Variants in AP3B1 observed in about 807,000 individuals in gnomAD.
AP3B1 encodes adaptor related protein complex 3 subunit beta 1.
AP3B1 carries 61 observed loss-of-function variants against 132.5 expected under a neutral mutation model. That is an observed-to-expected ratio of 0.46 (90% CI 0.37 to 0.57). The LOEUF (loss-of-function observed/expected upper bound fraction) is 0.57. AP3B1 is among the 20% of genes least tolerant of loss of function. The probability of loss-of-function intolerance (pLI) is 0.00; values close to 1 mark genes in which losing one functional copy is unlikely to be tolerated. For synonymous variants in AP3B1, 388 were observed against 438.3 expected (o/e 0.89, Z 1.43); for missense variants, 1,120 against 1,289.4 (o/e 0.87, Z 2.01).
At chr5:78,195,799 G>A (rs903750558) in intron 7 of AP3B1, among the ~76,000 whole-genome samples, 7 of 151,926 alleles carry the variant, frequency 4.6e-5, no homozygotes, top group African/African-American at 4.8e-5. Context: ...CAGCCTGGGC[G>A]ACAAAGCAAG....
chr5:78,086,195 T>A (rs547658029), intron 22 of AP3B1, among the ~76,000 whole-genome samples: 1 of 152,294 alleles, frequency 6.6e-6, no homozygotes, highest in East Asian at 1.9e-4. Flanking sequence ...TAAAGTAGAA[T>A]CCATAGTAAT....
At chr5:78,244,655 T>C (rs1210990125) in intron 2 of AP3B1, among the ~76,000 whole-genome samples, 1 of 152,072 alleles carries the variant, frequency 6.6e-6, no homozygotes, top group Non-Finnish European at 1.5e-5. Flanking sequence ...CAGGAGGGCA[T>C]ACAGACAGAG....
At chr5:78,093,143 G>C (rs1750603372) in intron 21 of AP3B1, among the ~76,000 whole-genome samples, 2 of 152,302 alleles carry the variant, frequency 1.3e-5, no homozygotes, top group South Asian at 4.1e-4. Context: ...CTGTTAAACA[G>C]AATTTGTTCT....
chr5:78,215,967 T>C, intron 7 of AP3B1, 88 bp downstream of exon 7: 1 of 1,272,912 alleles, frequency 7.9e-7, no homozygotes, highest in African/African-American at 1.5e-5. Flanking sequence ...ATTTCTCTAG[T>C]TTACTACTCC....
intron 11 of AP3B1, among the ~76,000 whole-genome samples, chr5:78,166,069 G>A (rs148548635): frequency 2.0e-3 from 303 of 151,126 alleles, no homozygotes; most frequent in African/African-American, 5.5e-3. Context: ...GCAGTGAGCC[G>A]AGATCGCGCC....
chr5:78,007,435 CTT>C (rs34485900), intron 26 of AP3B1, among the ~76,000 whole-genome samples: 5 of 147,020 alleles, frequency 3.4e-5, no homozygotes, highest in East Asian at 3.9e-4. Context: ...CAGGCTAAAA[CTT>C]TTTTTTTTTT....
intron 26 of AP3B1, among the ~76,000 whole-genome samples, chr5:78,011,143 A>T (rs576845307): frequency 6.6e-6 from 1 of 151,320 alleles, no homozygotes; most frequent in African/African-American, 2.4e-5. Flanking sequence ...CCTGGGTTCA[A>T]GCAATTCTCC....
chr5:78,092,272 G>T (rs1231909526), intron 21 of AP3B1, among the ~76,000 whole-genome samples: 1 of 152,194 alleles, frequency 6.6e-6, no homozygotes, highest in African/African-American at 2.4e-5. Context: ...CACACCACAA[G>T]CAAGTTCTGC....
At chr5:78,277,799 C>A (rs984672168) in intron 1 of AP3B1, among the ~76,000 whole-genome samples, 1 of 152,178 alleles carries the variant, frequency 6.6e-6, no homozygotes, top group African/African-American at 2.4e-5. Context: ...AGAACCCTTT[C>A]ACTGTAAAGT....
At chr5:78,171,236 T>C (rs1743901869) in intron 11 of AP3B1, among the ~76,000 whole-genome samples, 3 of 152,192 alleles carry the variant, frequency 2.0e-5, no homozygotes, top group Admixed American at 6.5e-5. Flanking sequence ...TGGTTCCATA[T>C]GAACTTTAAA....
intron 6 of AP3B1, among the ~76,000 whole-genome samples, chr5:78,224,877 T>C (rs1746339969): frequency 6.6e-6 from 1 of 152,050 alleles, no homozygotes. Context: ...GAGACTTCAA[T>C]ACCCTGTTTT....
chr5:78,026,908 G>GC (rs1747361638), intron 24 of AP3B1, among the ~76,000 whole-genome samples: 1 of 152,056 alleles, frequency 6.6e-6, no homozygotes, highest in Admixed American at 6.6e-5. Context: ...TTGGCCACTT[G>GC]CATTTATTTT....
At chr5:78,011,068 G>T (rs1746603765) in intron 26 of AP3B1, among the ~76,000 whole-genome samples, 2 of 143,044 alleles carry the variant, frequency 1.4e-5, no homozygotes, top group African/African-American at 2.6e-5. Context: ...TTTTGAGATG[G>T]AGTCTCCCTC....
intron 6 of AP3B1, among the ~76,000 whole-genome samples, chr5:78,219,662 TG>T (rs1746100647): frequency 6.6e-6 from 1 of 152,084 alleles, no homozygotes; most frequent in Non-Finnish European, 1.5e-5. Flanking sequence ...TGACACATAC[TG>T]GTCTTTAGTA....
chr5:78,183,328 A>C (rs1396294738), intron 7 of AP3B1, among the ~76,000 whole-genome samples: 1 of 152,174 alleles, frequency 6.6e-6, no homozygotes, highest in African/African-American at 2.4e-5. Context: ...AGTTAACCTG[A>C]AGGTTTAAAA....
chr5:78,189,375 C>CA (rs1744733129), intron 7 of AP3B1, among the ~76,000 whole-genome samples: 1 of 151,950 alleles, frequency 6.6e-6, no homozygotes, highest in African/African-American at 2.4e-5. Context: ...TATGCATTTA[C>CA]AAAAATATGA....
rs142146486 is a variant in AP3B1, at chr5:78,172,247, G to T, written c.1167+3379C>A. On this transcript the variant is annotated intron_variant, in intron 11 of 26. Coordinates refer to ENST00000255194, the MANE Select transcript of AP3B1 (RefSeq NM_003664.5). ...CAGGCTTTAGTATCAGGATGATGCT[G>T]GCCTCATAAAATGAGTTAGGGAGGA... 5.7e-3 allele frequency among the ~76,000 whole-genome samples: 867 copies of T among 152,232 alleles called. 2 individuals are homozygous for T. The highest frequency in any genetic ancestry group is 9.3e-3 in the Non-Finnish European group (632 of 68,012).
chr5:78,251,712 G>T (rs188726170), intron 2 of AP3B1, among the ~76,000 whole-genome samples: 43 of 152,284 alleles, frequency 2.8e-4, no homozygotes, highest in African/African-American at 9.9e-4. Context: ...GCCACCGAGG[G>T]CTACAGCACT....
intron 2 of AP3B1, among the ~76,000 whole-genome samples, chr5:78,250,103 A>G (rs191189622): frequency 1.5e-4 from 23 of 152,314 alleles, no homozygotes; most frequent in African/African-American, 5.5e-4. Context: ...TAAGTGGATG[A>G]ACTTACTACT....
Sources: gnomAD v4.1 joint callset for allele counts (sites outside exome capture counted in the v4.1 genomes callset) on GRCh38, gnomAD v4.1.1 for gene constraint, MANE v1.5 for transcripts, NCBI Gene and HGNC (gene_info 2026-07-23, HGNC 2026-07-21) for gene names.